The following LRMDA variants were observed in gnomAD, a reference collection of about 807,000 sequenced individuals.
LRMDA encodes leucine-rich melanocyte differentiation-associated protein.
In LRMDA, 18 loss-of-function variants were observed where a neutral mutation model predicts 29.8. The observed-to-expected ratio is 0.60, with a 90% CI of 0.42 to 0.90. LRMDA has a LOEUF of 0.90. Ranked by LOEUF, LRMDA falls within the 40% of genes least tolerant of loss-of-function variation. The pLI, the probability that LRMDA is intolerant of heterozygous loss-of-function variation, is 0.00. For missense variants in LRMDA, 273 were observed against 273.9 expected (o/e 1.00, Z 0.02); for synonymous variants, 125 against 109.4 (o/e 1.14, Z -0.89).
intron 2 of LRMDA, among the ~76,000 whole-genome samples, chr10:75,473,831 A>C (rs1475503855): frequency 6.6e-6 from 1 of 152,210 alleles, no homozygotes; most frequent in Non-Finnish European, 1.5e-5. Context: ...CCAGGGACCA[A>C]GGTGACTTTG....
intron 6 of LRMDA, among the ~76,000 whole-genome samples, chr10:76,530,214 A>G (rs926932722): frequency 1.3e-5 from 2 of 152,198 alleles, no homozygotes; most frequent in Non-Finnish European, 2.9e-5. Context: ...AAACACTGCT[A>G]GTTATTTTTA....
At chr10:75,713,238 GAA>G (rs1842459040) in intron 2 of LRMDA, among the ~76,000 whole-genome samples, 1 of 152,200 alleles carries the variant, frequency 6.6e-6, no homozygotes, top group Non-Finnish European at 1.5e-5. Flanking sequence ...AATTGGGAGA[GAA>G]AGAAAAGGTG....
intron 2 of LRMDA, among the ~76,000 whole-genome samples, chr10:75,639,865 A>T (rs1841430840): frequency 6.6e-6 from 1 of 152,180 alleles, no homozygotes; most frequent in South Asian, 2.1e-4. Flanking sequence ...GGACATTAAG[A>T]TTAAGTGATG....
At chr10:76,177,567 A>G (rs1850962682) in intron 5 of LRMDA, among the ~76,000 whole-genome samples, 1 of 152,214 alleles carries the variant, frequency 6.6e-6, no homozygotes, top group Non-Finnish European at 1.5e-5. Context: ...AATCTTCTTT[A>G]TCAGTTGTAG....
At chr10:76,204,012 CT>C (rs1851485754) in intron 5 of LRMDA, among the ~76,000 whole-genome samples, 2 of 139,608 alleles carry the variant, frequency 1.4e-5, no homozygotes, top group African/African-American at 2.7e-5. Flanking sequence ...CCACCCATCT[CT>C]ATTTCATGTG....
intron 2 of LRMDA, among the ~76,000 whole-genome samples, chr10:75,821,470 C>T (rs972840322): frequency 6.6e-6 from 1 of 152,172 alleles, no homozygotes; most frequent in Non-Finnish European, 1.5e-5. Context: ...AGCATCTCTT[C>T]ATGATAAAAC....
At chr10:75,870,358 AT>A (rs1228609074) in intron 2 of LRMDA, among the ~76,000 whole-genome samples, 1 of 137,752 alleles carries the variant, frequency 7.3e-6, no homozygotes, top group Non-Finnish European at 1.5e-5. Context: ...TGTATAATGA[AT>A]TGATTTCTCT....
chr10:76,096,270 A>G (rs969915516), intron 5 of LRMDA, among the ~76,000 whole-genome samples: 1 of 152,096 alleles, frequency 6.6e-6, no homozygotes, highest in Non-Finnish European at 1.5e-5. Context: ...TAAGTGTATG[A>G]TCCACTTTGA....
At chr10:76,052,920 G>A (rs939138742) in intron 4 of LRMDA, among the ~76,000 whole-genome samples, 3 of 152,090 alleles carry the variant, frequency 2.0e-5, no homozygotes, top group East Asian at 3.9e-4. Flanking sequence ...AGCTAGGGAC[G>A]TGAGACTTAG....
intron 1 of LRMDA, among the ~76,000 whole-genome samples, chr10:75,437,490 G>A (rs965285794): frequency 3.3e-5 from 5 of 152,168 alleles, no homozygotes; most frequent in Non-Finnish European, 7.3e-5. Context: ...TGGCCCACTG[G>A]TCAACTCGGC....
chr10:76,451,642 C>CTT (rs777043341), intron 6 of LRMDA, among the ~76,000 whole-genome samples: 58 of 129,974 alleles, frequency 4.5e-4, no homozygotes, highest in Non-Finnish European at 5.7e-4. Flanking sequence ...TTCTCCAATG[C>CTT]TTTTTTTTTT....
intron 2 of LRMDA, among the ~76,000 whole-genome samples, chr10:75,612,145 C>G (rs1687506910): frequency 6.6e-6 from 1 of 152,074 alleles, no homozygotes; most frequent in Non-Finnish European, 1.5e-5. Flanking sequence ...TTTGGAAATA[C>G]CCAGGGGGTT....
intron 5 of LRMDA, among the ~76,000 whole-genome samples, chr10:76,110,818 G>A (rs570201806): frequency 6.6e-6 from 1 of 152,146 alleles, no homozygotes; most frequent in African/African-American, 2.4e-5. Context: ...CCAGTCTCAG[G>A]TATGTCTTTA....
At chr10:76,548,339 A>T (rs2579743) in intron 6 of LRMDA, among the ~76,000 whole-genome samples, 1 of 146,540 alleles carries the variant, frequency 6.8e-6, no homozygotes, top group Admixed American at 6.7e-5. Context: ...GTATTGAAGC[A>T]TACTAGGCAG....
Position 76,498,381 on chromosome 10 carries a change from C to T in LRMDA, c.602-58828C>T, listed in dbSNP as rs543603636. Among the ~76,000 whole-genome samples, 22 of 75,200 alleles carry T rather than the reference C, an allele frequency of 2.9e-4. 6 individuals carry two copies. The highest frequency in any genetic ancestry group is 6.8e-4 in the African/African-American group (21 of 31,020). 49.3% of individuals were successfully genotyped at this position (75,200 alleles called of 152,430 possible). On this transcript the variant is annotated intron_variant, in intron 6 of 6. Coordinates refer to ENST00000611255, the MANE Select transcript of LRMDA (RefSeq NM_001305581.2). ...GATCTGAGAGAAGGTAATGTTCACT[C>T]GGCTTCAGCATTTCTACTTGTAGTT...
At chr10:75,515,173 A>G (rs943216350) in intron 2 of LRMDA, among the ~76,000 whole-genome samples, 2 of 152,208 alleles carry the variant, frequency 1.3e-5, no homozygotes, top group Non-Finnish European at 2.9e-5. Flanking sequence ...CAGAATAGGT[A>G]AATTCATAGA....
Position 75,497,266 on chromosome 10 carries a change from G to A in LRMDA, c.131+58772G>A, listed in dbSNP as rs932751259. On this transcript the variant is annotated intron_variant, in intron 2 of 6. Coordinates refer to ENST00000611255, the MANE Select transcript of LRMDA (RefSeq NM_001305581.2). ...AAATTTCTATCATACAGAAAAGTTTGAAGGATTGTATAGTGGACACATGGA... is the reference window on the plus strand; with the variant it reads ...AAATTTCTATCATACAGAAAAGTTTAAAGGATTGTATAGTGGACACATGGA... Among the ~76,000 whole-genome samples the A allele has an allele frequency of 3.3e-5, 5 of 152,114 alleles. No homozygotes were observed. In the East Asian group the frequency reaches 5.8e-4, roughly 18 times the overall value.
chr10:76,402,534 T>A lies in LRMDA; in HGVS notation c.601+78049T>A, dbSNP rs187697828. Among the ~76,000 whole-genome samples, 145 of 152,058 alleles carry A rather than the reference T, an allele frequency of 9.5e-4. 4 individuals are homozygous for A. The highest frequency in any genetic ancestry group is 3.4e-3 in the African/African-American group (143 of 41,472). ...TCCTGGCTAATTTTTAATCTTTTTTTGTAGAGGTAGGGTCTAGGTATGTTG... is the reference window on the plus strand; with the variant it reads ...TCCTGGCTAATTTTTAATCTTTTTTAGTAGAGGTAGGGTCTAGGTATGTTG... On this transcript the variant is annotated intron_variant, in intron 6 of 6. Coordinates refer to ENST00000611255, the MANE Select transcript of LRMDA (RefSeq NM_001305581.2).
chr10:76,458,267 A>G (rs1589195848), intron 6 of LRMDA, among the ~76,000 whole-genome samples: 2 of 152,264 alleles, frequency 1.3e-5, no homozygotes, highest in East Asian at 3.9e-4. Context: ...AAATCTTGAC[A>G]TTGCAATAAA....
Sources: gnomAD v4.1 joint callset for allele counts (sites outside exome capture counted in the v4.1 genomes callset) on GRCh38, gnomAD v4.1.1 for gene constraint, MANE v1.5 for transcripts, NCBI Gene and HGNC (gene_info 2026-07-23, HGNC 2026-07-21) for gene names.